FAM3C: variants seen among roughly 807,000 people sequenced by gnomAD.
FAM3C encodes the protein protein FAM3C.
Under a neutral mutation model 32.5 loss-of-function variants are expected in FAM3C, and 15 were observed. That is an observed-to-expected ratio of 0.46 (90% CI 0.31 to 0.71). The LOEUF is 0.71. Ranked by LOEUF, FAM3C falls within the 30% of genes least tolerant of loss-of-function variation. The probability of loss-of-function intolerance (pLI) is 0.05; values close to 1 mark genes in which losing one functional copy is unlikely to be tolerated. For synonymous variants in FAM3C, 75 were observed against 86.1 expected (o/e 0.87, Z 0.72); for missense variants, 175 against 274.4 (o/e 0.64, Z 2.56).
At chr7:121,387,286 T>C (rs1417644781) in intron 1 of FAM3C, among the ~76,000 whole-genome samples, 1 of 152,082 alleles carries the variant, frequency 6.6e-6, no homozygotes, top group Non-Finnish European at 1.5e-5. Flanking sequence ...TGTCAACCCC[T>C]AATAAAAAGA....
chr7:121,374,358 T>C (rs1307863919), intron 3 of FAM3C, among the ~76,000 whole-genome samples: 3 of 152,260 alleles, frequency 2.0e-5, no homozygotes, highest in African/African-American at 4.8e-5. Flanking sequence ...CTACTAATTG[T>C]AGGCAAAATT....
rs1001446344 is a variant in FAM3C, at chr7:121,367,521, T to TA, written c.273-3334dup. Among the ~76,000 whole-genome samples the TA allele has an allele frequency of 1.0e-3, 153 of 151,576 alleles. 1 individual carries two copies. The highest frequency in any genetic ancestry group is 3.3e-3 in the African/African-American group (136 of 41,356). ...ATAGCCAAAAACATTGATCCCTTGT[T>TA]AAAAAAAAATCCCTCAAAATAATCT... On this transcript the variant is annotated intron_variant, in intron 5 of 9. Coordinates refer to ENST00000359943, the MANE Select transcript of FAM3C (RefSeq NM_014888.3).
At chr7:121,375,044 C>G (rs1033961860) in intron 3 of FAM3C, among the ~76,000 whole-genome samples, 13 of 151,998 alleles carry the variant, frequency 8.6e-5, no homozygotes, top group Admixed American at 7.2e-4. Flanking sequence ...ACCAAAATAG[C>G]GCCTTTAAGA....
At chr7:121,355,134 A>T (rs985665159) in intron 8 of FAM3C, among the ~76,000 whole-genome samples, 3 of 152,232 alleles carry the variant, frequency 2.0e-5, no homozygotes, top group Admixed American at 6.5e-5. Flanking sequence ...TATATCATCC[A>T]ACCAAAGCAT....
chr7:121,389,782 C>CATCAAATGATT (rs973267551), intron 1 of FAM3C, among the ~76,000 whole-genome samples: 2 of 151,044 alleles, frequency 1.3e-5, no homozygotes, highest in African/African-American at 4.9e-5. Flanking sequence ...AAAAGGTAGA[C>CATCAAATGATT]ATCAAATGAT....
chr7:121,372,952 T>C (rs781021167), intron 3 of FAM3C, among the ~76,000 whole-genome samples: 4 of 152,190 alleles, frequency 2.6e-5, no homozygotes, highest in African/African-American at 4.8e-5. Context: ...AGTTAAAAGA[T>C]TGTATTGAAA....
chr7:121,365,896 A>G (rs916363507), intron 5 of FAM3C, among the ~76,000 whole-genome samples: 5 of 152,182 alleles, frequency 3.3e-5, no homozygotes, highest in Admixed American at 3.3e-4. Flanking sequence ...CAATGGGCAA[A>G]GGGTTTCAAC....
intron 1 of FAM3C, among the ~76,000 whole-genome samples, chr7:121,384,325 C>T (rs1265747614): frequency 6.6e-6 from 1 of 152,174 alleles, no homozygotes; most frequent in African/African-American, 2.4e-5. Context: ...AAACAAGATA[C>T]TGAAGTATCC....
chr7:121,354,100 C>G (rs1017178494), intron 8 of FAM3C, among the ~76,000 whole-genome samples: 1 of 152,008 alleles, frequency 6.6e-6, no homozygotes. Flanking sequence ...TAAAAAAAAT[C>G]TTTATATTTC....
chr7:121,391,559 T>C (rs1218467996), intron 1 of FAM3C, among the ~76,000 whole-genome samples: 2 of 152,160 alleles, frequency 1.3e-5, no homozygotes, highest in African/African-American at 4.8e-5. Flanking sequence ...AAGTTATAGG[T>C]TCCTGTTCTA....
intron 3 of FAM3C, among the ~76,000 whole-genome samples, chr7:121,374,331 G>A (rs1794201883): frequency 6.6e-6 from 1 of 152,058 alleles, no homozygotes; most frequent in South Asian, 2.1e-4. Context: ...ATTCATAATC[G>A]ACATTGGTAA....
At chr7:121,370,591 C>T (rs775040783) in intron 5 of FAM3C, among the ~76,000 whole-genome samples, 3 of 152,072 alleles carry the variant, frequency 2.0e-5, no homozygotes, top group East Asian at 1.9e-4. Context: ...CAGGAACTTG[C>T]GAGCAACAGT....
At chr7:121,351,850 A>T (rs564885365) in intron 8 of FAM3C, among the ~76,000 whole-genome samples, 5 of 152,336 alleles carry the variant, frequency 3.3e-5, no homozygotes, top group African/African-American at 1.2e-4. Flanking sequence ...AATGCCTACT[A>T]GCAGGAGGTG....
chr7:121,372,720 G>C (rs1794172843), intron 3 of FAM3C, among the ~76,000 whole-genome samples: 1 of 152,076 alleles, frequency 6.6e-6, no homozygotes, highest in African/African-American at 2.4e-5. Flanking sequence ...AATTATAGTA[G>C]GGCTTTTTAA....
intron 7 of FAM3C, among the ~76,000 whole-genome samples, chr7:121,360,587 C>T (rs561239814): frequency 2.0e-5 from 3 of 152,212 alleles, no homozygotes; most frequent in South Asian, 2.1e-4. Flanking sequence ...AATCCCAGCA[C>T]CTTGGGAGGT....
chr7:121,360,173 A>G (rs769581583), intron 7 of FAM3C, 46 bp from the exon 8 acceptor site: 1 of 949,664 alleles, frequency 1.1e-6, no homozygotes, highest in African/African-American at 1.6e-5. Flanking sequence ...TGACTGAATA[A>G]GCATCACGAT....
intron 8 of FAM3C, among the ~76,000 whole-genome samples, chr7:121,357,505 G>GA (rs1384436232): frequency 1.1e-4 from 16 of 151,954 alleles, no homozygotes; most frequent in South Asian, 4.2e-4. Context: ...AGATAAAAGG[G>GA]TTATATATAT....
At chr7:121,384,320 A>C (rs1216255890) in intron 1 of FAM3C, among the ~76,000 whole-genome samples, 1 of 152,252 alleles carries the variant, frequency 6.6e-6, no homozygotes, top group Admixed American at 6.5e-5. Flanking sequence ...AAAGGAAACA[A>C]GATACTGAAG....
At chr7:121,365,747 T>TAC (rs1381144859) in intron 5 of FAM3C, among the ~76,000 whole-genome samples, 1 of 152,020 alleles carries the variant, frequency 6.6e-6, no homozygotes, top group Non-Finnish European at 1.5e-5. Context: ...AGGAACCAAC[T>TAC]ACACACTGTC....
Sources: gnomAD v4.1 joint callset for allele counts (sites outside exome capture counted in the v4.1 genomes callset) on GRCh38, gnomAD v4.1.1 for gene constraint, MANE v1.5 for transcripts, NCBI Gene and HGNC (gene_info 2026-07-23, HGNC 2026-07-21) for gene names.